Variants in XYLT1 observed in about 807,000 individuals in gnomAD.
XYLT1 encodes the protein xylosyltransferase 1.
XYLT1 carries 36 observed loss-of-function variants against 91.3 expected under a neutral mutation model. The observed-to-expected ratio is 0.39, with a 90% CI of 0.30 to 0.52. The LOEUF is 0.52. Ranked by LOEUF, XYLT1 falls within the 20% of genes least tolerant of loss-of-function variation. The pLI is 0.68. For missense variants in XYLT1, 1,242 were observed against 1,284.5 expected (o/e 0.97, Z 0.51); for synonymous variants, 588 against 532.0 (o/e 1.11, Z -1.45).
chr16:17,263,185 C>G (rs574289308), intron 2 of XYLT1, among the ~76,000 whole-genome samples: 14 of 152,206 alleles, frequency 9.2e-5, no homozygotes, highest in African/African-American at 3.4e-4. Flanking sequence ...AAAACCTCCA[C>G]AAACCCCCAT....
chr16:17,370,151 C>T (rs1265071692), intron 1 of XYLT1, among the ~76,000 whole-genome samples: 5 of 152,228 alleles, frequency 3.3e-5, no homozygotes, highest in Non-Finnish European at 7.3e-5. Context: ...AGAGGACTCT[C>T]CTTAACTCTG....
At chr16:17,336,830 T>C (rs1471718704) in intron 2 of XYLT1, among the ~76,000 whole-genome samples, 1 of 152,208 alleles carries the variant, frequency 6.6e-6, no homozygotes, top group African/African-American at 2.4e-5. Context: ...CCAGAAACCC[T>C]GATCGTGTCA....
chr16:17,441,096 T>C (rs1210552351), intron 1 of XYLT1, among the ~76,000 whole-genome samples: 2 of 152,012 alleles, frequency 1.3e-5, no homozygotes, highest in Non-Finnish European at 2.9e-5. Flanking sequence ...GATGTATTCT[T>C]GCTTTGTCAC....
intron 3 of XYLT1, among the ~76,000 whole-genome samples, chr16:17,222,190 A>G (rs187485004): frequency 9.8e-5 from 15 of 152,318 alleles, no homozygotes; most frequent in African/African-American, 3.4e-4. Context: ...TCCTAGAGGA[A>G]CATTTATATT....
chr16:17,372,974 C>T (rs1036575367), intron 1 of XYLT1, among the ~76,000 whole-genome samples: 22 of 152,120 alleles, frequency 1.4e-4, no homozygotes, highest in Admixed American at 1.1e-3. Context: ...TTTTCTAACA[C>T]GTTCTTGACC....
chr16:17,264,603 T>C (rs2033773445), intron 2 of XYLT1, among the ~76,000 whole-genome samples: 1 of 152,134 alleles, frequency 6.6e-6, no homozygotes, highest in African/African-American at 2.4e-5. Context: ...CAGGATCCCT[T>C]CCCTTCACAA....
chr16:17,355,649 G>A lies in XYLT1; in HGVS notation c.402+2363C>T, dbSNP rs372433756. Among the ~76,000 whole-genome samples the A allele has an allele frequency of 3.2e-4, 47 of 148,470 alleles. 1 individual carries two copies. In the South Asian group the frequency reaches 8.9e-3, roughly 28 times the overall value. Reference sequence around the variant, plus strand: ...ATATAACTAGCCCTTCAAACTTGTGGTTCCATGAATATTATTGCTTGAGAC... The same window carrying A: ...ATATAACTAGCCCTTCAAACTTGTGATTCCATGAATATTATTGCTTGAGAC... On this transcript the variant is annotated intron_variant, in intron 2 of 11. Transcript: ENST00000261381.
At chr16:17,387,835 C>T (rs1183445309) in intron 1 of XYLT1, among the ~76,000 whole-genome samples, 2 of 152,170 alleles carry the variant, frequency 1.3e-5, no homozygotes, top group African/African-American at 4.8e-5. Context: ...CTGTAGACAC[C>T]AAGATTTTTC....
intron 2 of XYLT1, among the ~76,000 whole-genome samples, chr16:17,341,718 A>T (rs1214471563): frequency 6.6e-6 from 1 of 152,204 alleles, no homozygotes; most frequent in Non-Finnish European, 1.5e-5. Context: ...ATAGGAAGTG[A>T]TGTGCTTTTG....
chr16:17,318,375 C>T (rs998803599), intron 2 of XYLT1, among the ~76,000 whole-genome samples: 9 of 152,280 alleles, frequency 5.9e-5, no homozygotes, highest in East Asian at 1.9e-4. Flanking sequence ...CATGGCTTTT[C>T]GGGGGAGGAG....
At position 17,108,737 on chromosome 16, in the gene XYLT1, C is replaced by A; in HGVS notation, c.2838G>T (p.Lys946Asn). 6.2e-7 allele frequency: 1 copy of A among 1,601,034 alleles called. No homozygotes were observed. Among genetic ancestry groups the A allele is most frequent in the Non-Finnish European group, 8.5e-7 (1 of 1,176,054 alleles). The change falls in exon 12 of 12, where the codon AAG (lysine) becomes AAT (asparagine). Residue 946 changes from lysine to asparagine, a missense_variant. Transcript: ENST00000261381. ...CAGGTTTGACTGCCCCCAGCTCCGACTTGGGGTCAGGGCTGAAGGAGCTCC... is the reference window on the plus strand; with the variant it reads ...CAGGTTTGACTGCCCCCAGCTCCGAATTGGGGTCAGGGCTGAAGGAGCTCC... Reference protein sequence around the residue: ...TAWSSFSPDPKSELGAVKPDG... With the variant: ...TAWSSFSPDPNSELGAVKPDG...
intron 1 of XYLT1, among the ~76,000 whole-genome samples, chr16:17,368,164 G>A (rs1481090449): frequency 6.6e-6 from 1 of 152,180 alleles, no homozygotes; most frequent in African/African-American, 2.4e-5. Context: ...GATCCCAGGA[G>A]GTGGGGAGTG....
rs576592898 is a variant in XYLT1 at position 17,330,750 on chromosome 16, C to T, written c.402+27262G>A. On this transcript the variant is annotated intron_variant, in intron 2 of 11. Transcript: ENST00000261381. ...CGGAGGTAGTAATGAGCCAAGATCG[C>T]GCCATTGCACTCCAGCATGGGGGAC... Among the ~76,000 whole-genome samples, 10 of 151,428 alleles carry T rather than the reference C, an allele frequency of 6.6e-5. No homozygotes were observed. The East Asian group carries it at 7.8e-4, about 12-fold the overall frequency.
At chr16:17,397,016 G>A (rs887660831) in intron 1 of XYLT1, among the ~76,000 whole-genome samples, 3 of 152,080 alleles carry the variant, frequency 2.0e-5, no homozygotes, top group African/African-American at 4.8e-5. Context: ...GCTGCTTTCC[G>A]GCTGCAGAGG....
intron 5 of XYLT1, among the ~76,000 whole-genome samples, chr16:17,171,293 C>A (rs2031814274): frequency 1.3e-5 from 2 of 152,148 alleles, no homozygotes; most frequent in African/African-American, 2.4e-5. Flanking sequence ...GGATTTCAGC[C>A]CCAAGGTGAG....
chr16:17,388,629 G>T (rs191571536), intron 1 of XYLT1, among the ~76,000 whole-genome samples: 3 of 152,186 alleles, frequency 2.0e-5, no homozygotes, highest in Non-Finnish European at 4.4e-5. Context: ...GGATTATTGC[G>T]AAGGGCAGAA....
At chr16:17,296,078 T>C (rs1284378972) in intron 2 of XYLT1, among the ~76,000 whole-genome samples, 2 of 149,854 alleles carry the variant, frequency 1.3e-5, no homozygotes, top group Non-Finnish European at 1.5e-5. Flanking sequence ...AAGCACACAG[T>C]GGAACTCCTG....
chr16:17,374,018 A>G (rs2035567283), intron 1 of XYLT1, among the ~76,000 whole-genome samples: 1 of 152,236 alleles, frequency 6.6e-6, no homozygotes, highest in Non-Finnish European at 1.5e-5. Context: ...AGGTAGGGAC[A>G]GAAAACACAG....
At chr16:17,451,890 C>T (rs1420873858) in intron 1 of XYLT1, among the ~76,000 whole-genome samples, 2 of 152,148 alleles carry the variant, frequency 1.3e-5, no homozygotes, top group Non-Finnish European at 2.9e-5. Flanking sequence ...AGGTATTCTA[C>T]AAAATGATAA....
Sources: gnomAD v4.1 joint callset for allele counts (sites outside exome capture counted in the v4.1 genomes callset) on GRCh38, gnomAD v4.1.1 for gene constraint, MANE v1.5 for transcripts, NCBI Gene and HGNC (gene_info 2026-07-23, HGNC 2026-07-21) for gene names.